TRHDE: variants seen among roughly 807,000 people sequenced by gnomAD.
TRHDE encodes thyrotropin-releasing hormone-degrading ectoenzyme.
Under a neutral mutation model 125.7 loss-of-function variants are expected in TRHDE, and 72 were observed. The observed-to-expected ratio is 0.57, with a 90% CI of 0.47 to 0.70. The LOEUF is 0.70. Among genes scored for constraint, TRHDE ranks in the 30% least tolerant of loss-of-function variants. TRHDE has a pLI of 0.00. For synonymous variants in TRHDE, 509 were observed against 509.1 expected, an observed-to-expected ratio of 1.00 and a Z score of 0.00; for missense variants, 1,110 against 1,327.1, an observed-to-expected ratio of 0.84 and a Z score of 2.54.
At chr12:72,498,057 A>G (rs961962480) in intron 5 of TRHDE, among the ~76,000 whole-genome samples, 11 of 152,158 alleles carry the variant, frequency 7.2e-5, no homozygotes, top group Non-Finnish European at 7.4e-5. Flanking sequence ...AGTCATTACC[A>G]TATAATCCTC....
At chr12:72,239,231 ATTTT>A (rs139030112) in intron 2 of TRHDE, among the ~76,000 whole-genome samples, 5 of 148,302 alleles carry the variant, frequency 3.4e-5, no homozygotes, top group Admixed American at 1.3e-4. Flanking sequence ...CCACTTTTTG[ATTTT>A]TTTTTTTTTC....
chr12:72,524,115 T>C (rs1868293145), intron 6 of TRHDE, among the ~76,000 whole-genome samples: 1 of 152,146 alleles, frequency 6.6e-6, no homozygotes, highest in Admixed American at 6.6e-5. Flanking sequence ...AAGAAAGAAA[T>C]CATCCATTTC....
chr12:72,414,174 T>C (rs1365143275), intron 3 of TRHDE, among the ~76,000 whole-genome samples: 1 of 152,102 alleles, frequency 6.6e-6, no homozygotes, highest in African/African-American at 2.4e-5. Context: ...AGAAAGTTTC[T>C]AAACATGAAA....
intron 2 of TRHDE, among the ~76,000 whole-genome samples, chr12:72,153,096 A>G (rs1015494744): frequency 3.4e-4 from 51 of 152,162 alleles, no homozygotes; most frequent in Admixed American, 1.5e-3. Context: ...TCTATTCAGA[A>G]ATTCAACTTC....
chr12:72,318,467 C>T (rs1027666509), intron 2 of TRHDE, among the ~76,000 whole-genome samples: 3 of 152,076 alleles, frequency 2.0e-5, no homozygotes, highest in African/African-American at 4.8e-5. Context: ...TCCTTAGATA[C>T]GATTATGAAT....
At chr12:72,294,593 G>A (rs1473851294) in intron 2 of TRHDE, among the ~76,000 whole-genome samples, 1 of 152,132 alleles carries the variant, frequency 6.6e-6, no homozygotes, top group South Asian at 2.1e-4. Flanking sequence ...GCCTCAGAGG[G>A]GAGGAAGTGT....
At chr12:72,342,163 T>A (rs947049892) in intron 2 of TRHDE, among the ~76,000 whole-genome samples, 12 of 152,166 alleles carry the variant, frequency 7.9e-5, no homozygotes, top group Admixed American at 1.3e-4. Flanking sequence ...TGTTTTACTG[T>A]TATATTTTGA....
At chr12:72,240,726 T>C (rs1269481147) in intron 2 of TRHDE, among the ~76,000 whole-genome samples, 1 of 151,842 alleles carries the variant, frequency 6.6e-6, no homozygotes, top group African/African-American at 2.4e-5. Context: ...CCCACCACCA[T>C]GCCCGGCTAA....
intron 16 of TRHDE, 141 bp from the exon 17 acceptor site, chr12:72,652,875 A>G (rs1874560670): frequency 9.8e-6 from 5 of 511,984 alleles, no homozygotes; most frequent in South Asian, 4.7e-5. Flanking sequence ...AATGTGTTCT[A>G]TTTATAAGTT....
Position 72,479,726 on chromosome 12 carries a change from T to C in TRHDE, c.1584+6546T>C, listed in dbSNP as rs1471049298. On this transcript the variant is annotated intron_variant, in intron 5 of 18. Transcript: ENST00000261180. ...GTGCACAATGTGCAGGTTAGTTACA[T>C]ATGTATACATGTGCCATGCTGGTGT... 2.0e-5 allele frequency among the ~76,000 whole-genome samples: 3 copies of C among 151,054 alleles called. 1 individual carries two copies. The highest frequency in any genetic ancestry group is 7.3e-5 in the African/African-American group (3 of 41,072).
chr12:72,158,318 A>T (rs1414793666), intron 2 of TRHDE, among the ~76,000 whole-genome samples: 1 of 151,810 alleles, frequency 6.6e-6, no homozygotes, highest in Non-Finnish European at 1.5e-5. Context: ...TGAATCTAAA[A>T]TAAAAGTGAA....
intron 12 of TRHDE, among the ~76,000 whole-genome samples, chr12:72,610,302 T>A (rs1872587397): frequency 6.6e-6 from 1 of 152,222 alleles, no homozygotes; most frequent in Admixed American, 6.5e-5. Context: ...CTTTAAAACT[T>A]ACCTTCTCTG....
chr12:72,213,097 T>G (rs1369085846), intron 2 of TRHDE, among the ~76,000 whole-genome samples: 1 of 152,104 alleles, frequency 6.6e-6, no homozygotes, highest in African/African-American at 2.4e-5. Flanking sequence ...TTACATGTTA[T>G]GTATATATGT....
intron 15 of TRHDE, among the ~76,000 whole-genome samples, chr12:72,623,194 A>G (rs952344765): frequency 6.6e-6 from 1 of 152,092 alleles, no homozygotes; most frequent in Non-Finnish European, 1.5e-5. Flanking sequence ...TATCATATAT[A>G]CATATAAAAA....
chr12:72,551,503 T>C (rs1389936234), intron 7 of TRHDE, among the ~76,000 whole-genome samples: 1 of 152,200 alleles, frequency 6.6e-6, no homozygotes, highest in Non-Finnish European at 1.5e-5. Context: ...TGTTTTGTGC[T>C]AACAAAACAA....
chr12:72,564,619 T>C (rs1322320352), intron 9 of TRHDE, among the ~76,000 whole-genome samples: 1 of 151,242 alleles, frequency 6.6e-6, no homozygotes, highest in Non-Finnish European at 1.5e-5. Context: ...GCTTTGTCGG[T>C]TTGTCTTCTG....
intron 15 of TRHDE, among the ~76,000 whole-genome samples, chr12:72,628,255 T>C (rs187309184): frequency 6.0e-4 from 91 of 151,790 alleles, no homozygotes; most frequent in African/African-American, 2.1e-3. Flanking sequence ...AGATGGAAGG[T>C]TTATAGGAGA....
At chr12:72,405,541 T>C (rs894919459) in intron 3 of TRHDE, among the ~76,000 whole-genome samples, 1 of 152,190 alleles carries the variant, frequency 6.6e-6, no homozygotes, top group Non-Finnish European at 1.5e-5. Flanking sequence ...GTCTCTCTCA[T>C]TGAAAGCTTC....
At chr12:72,166,907 C>CGTGTGTGTGTGTGTGT (rs59590935) in intron 2 of TRHDE, among the ~76,000 whole-genome samples, 6 of 139,234 alleles carry the variant, frequency 4.3e-5, no homozygotes, top group Non-Finnish European at 9.3e-5. Flanking sequence ...GGTAGATGAA[C>CGTGTGTGTGTGTGTGT]GTGTGTGTGT....
Sources: gnomAD v4.1 joint callset for allele counts (sites outside exome capture counted in the v4.1 genomes callset) on GRCh38, gnomAD v4.1.1 for gene constraint, MANE v1.5 for transcripts, NCBI Gene and HGNC (gene_info 2026-07-23, HGNC 2026-07-21) for gene names.